The following PDC variants were observed in gnomAD, a reference collection of about 807,000 sequenced individuals.
PDC encodes phosducin.
PDC carries 19 observed loss-of-function variants against 22.2 expected under a neutral mutation model. The observed-to-expected ratio is 0.86, with a 90% CI of 0.60 to 1.26. The LOEUF (loss-of-function observed/expected upper bound fraction) is 1.26, where lower values mean the gene tolerates loss of function less well. Among genes scored for constraint, PDC ranks in the 50% most tolerant of loss-of-function variants. The pLI is 0.00. For synonymous variants in PDC, 97 were observed against 96.2 expected, an observed-to-expected ratio of 1.01 and a Z score of -0.05; for missense variants, 274 against 286.8, an observed-to-expected ratio of 0.96 and a Z score of 0.32.
intron 1 of PDC, among the ~76,000 whole-genome samples, chr1:186,453,958 T>A (rs1662401737): frequency 6.6e-6 from 1 of 152,114 alleles, no homozygotes; most frequent in Non-Finnish European, 1.5e-5. Context: ...ATAAAATGCT[T>A]AATGAATGAA....
Position 186,444,305 on chromosome 1 carries a change from G to C in PDC, c.415C>G (p.His139Asp), listed in dbSNP as rs754106832. The change falls in exon 4 of 4, where the codon CAC becomes GAC. Residue 139 changes from histidine (H) to aspartate (D), a missense_variant. Coordinates refer to ENST00000391997, the MANE Select transcript of PDC (RefSeq NM_002597.5). The part of the protein sequence containing the change: ...KELKITTIVV[H>D]IYEDGIKGCD... ...CCCTTAATACCATCTTCATAAATGT[G>C]AACAACAATTGTGGTGATCTTCAGT... The C allele has an allele frequency of 6.2e-7, 1 of 1,613,724 alleles. No individual in the cohort carries two copies.
At chr1:186,451,064 A>AG (rs1460654322) in intron 1 of PDC, 2 of 152,152 alleles carry the variant, frequency 1.3e-5, no homozygotes, top group African/African-American at 4.8e-5. Flanking sequence ...TGCTTTCCCA[A>AG]GGCGCAGGGT....
At chr1:186,458,875 G>C (rs1662522565) in intron 1 of PDC, among the ~76,000 whole-genome samples, 1 of 152,162 alleles carries the variant, frequency 6.6e-6, no homozygotes, top group South Asian at 2.1e-4. Flanking sequence ...CTGAAAGCCT[G>C]GAGAGGCTGC....
chr1:186,458,442 T>C (rs1384379122), intron 1 of PDC, among the ~76,000 whole-genome samples: 4 of 149,920 alleles, frequency 2.7e-5, no homozygotes, highest in Non-Finnish European at 5.9e-5. Flanking sequence ...GGTTGTGCAA[T>C]ATCAACCAGG....
At chr1:186,451,156 C>T (rs1254068615) in intron 1 of PDC, 1 of 152,148 alleles carries the variant, frequency 6.6e-6, no homozygotes, top group Non-Finnish European at 1.5e-5. Context: ...AATTTTGTTT[C>T]TCTTTTTGCA....
At chr1:186,445,608 C>CAGG (rs1262259453) in intron 3 of PDC, among the ~76,000 whole-genome samples, 2 of 152,014 alleles carry the variant, frequency 1.3e-5, no homozygotes, top group African/African-American at 2.4e-5. Context: ...TGTTTGAGCC[C>CAGG]AGGAGAACAG....
intron 1 of PDC, among the ~76,000 whole-genome samples, chr1:186,450,017 G>T (rs1018450056): frequency 1.3e-5 from 2 of 152,130 alleles, no homozygotes; most frequent in African/African-American, 4.8e-5. Context: ...TGTTGTAACC[G>T]AGGAAGCTGA....
chr1:186,460,572 A>C (rs994013958), intron 1 of PDC, among the ~76,000 whole-genome samples: 2 of 152,186 alleles, frequency 1.3e-5, no homozygotes, highest in Non-Finnish European at 2.9e-5. Context: ...TGTTCAGGAA[A>C]ACAACATAGT....
At chr1:186,455,657 A>AGCCC (rs1277888761) in intron 1 of PDC, among the ~76,000 whole-genome samples, 4 of 151,754 alleles carry the variant, frequency 2.6e-5, no homozygotes, top group African/African-American at 9.7e-5. Context: ...GCCACAGAAG[A>AGCCC]GCCCACAAAA....
At chr1:186,454,283 A>G (rs1662413865) in intron 1 of PDC, among the ~76,000 whole-genome samples, 1 of 149,534 alleles carries the variant, frequency 6.7e-6, no homozygotes, top group African/African-American at 2.5e-5. Flanking sequence ...TGTTCAAGCA[A>G]TTCTCCTGCC....
At chr1:186,461,036 A>G (rs574424624) in intron 1 of PDC, 23 bp downstream of exon 1, 4 of 154,948 alleles carry the variant, frequency 2.6e-5, no homozygotes, top group African/African-American at 9.6e-5. Flanking sequence ...TTATATTATC[A>G]AAAGGACTAC....
intron 1 of PDC, among the ~76,000 whole-genome samples, chr1:186,460,092 G>T (rs1361251435): frequency 1.6e-4 from 25 of 151,792 alleles, no homozygotes; most frequent in Admixed American, 1.6e-3. Context: ...ACAAACCACC[G>T]CCACAACAAC....
At position 186,444,326 on chromosome 1, in the gene PDC, T is replaced by A. The variant is rs143358201; in HGVS notation, c.394A>T (p.Lys132Ter). The change falls in exon 4 of 4, where the codon AAG becomes TAG. Residue 132 changes from lysine (K) to a stop codon, truncating the protein, a stop_gained. Coordinates refer to ENST00000391997, the MANE Select transcript of PDC (RefSeq NM_002597.5). LOFTEE classifies it high-confidence loss of function. The stretch of plus-strand genomic sequence containing the variant: ...ATGTGAACAACAATTGTGGTGATCT[T>A]CAGTTCCTTTTCAATTGTTTCTAGG... ...QFLETIEKEL[K>*]ITTIVVHIYE... 5 of 1,614,054 alleles carry A rather than the reference T, an allele frequency of 3.1e-6. No individual in the cohort carries two copies. In the African/African-American group the frequency reaches 6.7e-5, roughly 22 times the overall value.
intron 1 of PDC, among the ~76,000 whole-genome samples, chr1:186,449,816 T>TTTCCTAATA (rs1215355899): frequency 6.6e-6 from 1 of 152,160 alleles, no homozygotes; most frequent in Non-Finnish European, 1.5e-5. Context: ...ATTTTCCTAA[T>TTTCCTAATA]TTCCTAATAT....
At position 186,444,380 on chromosome 1, in the gene PDC, C is replaced by T. The variant is rs748559830; in HGVS notation, c.340G>A (p.Val114Met). Residue 114 changes from valine (V) to methionine (M), a missense_variant, in exon 4 of 4, where the codon GTG (valine) becomes ATG (methionine). Coordinates refer to ENST00000391997, the MANE Select transcript of PDC (RefSeq NM_002597.5). ...KLSFGPRYGF[V>M]YELETGKQFL... is the part of the protein sequence containing the mutation. ...TGCTTTCCAGTTTCCAGCTCATACA[C>T]AAACCCATATCTAGGCCCAAAACTC... 2.5e-6 allele frequency: 4 copies of T among 1,614,120 alleles called. No homozygotes were observed. In the South Asian group the frequency reaches 4.4e-5, roughly 18 times the overall value.
At chr1:186,452,069 T>G (rs1242061593) in intron 1 of PDC, among the ~76,000 whole-genome samples, 1 of 152,186 alleles carries the variant, frequency 6.6e-6, no homozygotes, top group African/African-American at 2.4e-5. Flanking sequence ...TGTGTTTGTT[T>G]GCACTGCTTA....
At chr1:186,450,023 G>C (rs1281729644) in intron 1 of PDC, among the ~76,000 whole-genome samples, 1 of 152,178 alleles carries the variant, frequency 6.6e-6, no homozygotes, top group East Asian at 1.9e-4. Context: ...AACCGAGGAA[G>C]CTGAAGGGCA....
chr1:186,456,064 T>C (rs1010509912), intron 1 of PDC, among the ~76,000 whole-genome samples: 1 of 141,146 alleles, frequency 7.1e-6, no homozygotes, highest in African/African-American at 2.6e-5. Context: ...GCAATACAAA[T>C]GCCAGTTACT....
chr1:186,452,300 A>G (rs1558128795), intron 1 of PDC, among the ~76,000 whole-genome samples: 1 of 152,114 alleles, frequency 6.6e-6, no homozygotes, highest in Non-Finnish European at 1.5e-5. Flanking sequence ...GTGCAGTGGC[A>G]TAATCTCCCC....
Sources: allele counts gnomAD v4.1 joint callset (sites outside exome capture counted in the v4.1 genomes callset), GRCh38; gene constraint gnomAD v4.1.1; transcripts MANE v1.5; gene names NCBI Gene and HGNC (gene_info 2026-07-23, HGNC 2026-07-21).